Variants in CERS6 observed in about 807,000 individuals in gnomAD.
CERS6 encodes the protein ceramide synthase 6.
In CERS6, 26 loss-of-function variants were observed where a neutral mutation model predicts 56.8. The ratio of observed to expected loss-of-function variants is 0.46; its 90% confidence interval spans 0.34 to 0.63. The LOEUF (loss-of-function observed/expected upper bound fraction) is 0.63. Among genes scored for constraint, CERS6 ranks in the 30% least tolerant of loss-of-function variants. The pLI, the probability that CERS6 is intolerant of heterozygous loss-of-function variation, is 0.01. For synonymous variants in CERS6, 164 were observed against 173.3 expected (o/e 0.95, Z 0.42); for missense variants, 415 against 467.5 (o/e 0.89, Z 1.04).
intron 1 of CERS6, among the ~76,000 whole-genome samples, chr2:168,521,553 G>T (rs532809920): frequency 6.6e-6 from 1 of 152,154 alleles, no homozygotes; most frequent in Non-Finnish European, 1.5e-5. Flanking sequence ...ACACAGCTGC[G>T]CCAGGCATTT....
intron 1 of CERS6, among the ~76,000 whole-genome samples, chr2:168,476,628 G>A (rs913783423): frequency 1.3e-5 from 2 of 152,130 alleles, no homozygotes; most frequent in Non-Finnish European, 2.9e-5. Context: ...CTCAGTCTAA[G>A]TGAAAAGGCC....
At chr2:168,522,294 G>A (rs551515370) in intron 1 of CERS6, among the ~76,000 whole-genome samples, 2 of 152,162 alleles carry the variant, frequency 1.3e-5, no homozygotes, top group African/African-American at 4.8e-5. Context: ...GTTTTTATGT[G>A]GTTTCTGATA....
intron 6 of CERS6, among the ~76,000 whole-genome samples, chr2:168,696,438 A>G (rs909342989): frequency 1.3e-5 from 2 of 152,188 alleles, no homozygotes; most frequent in Non-Finnish European, 1.5e-5. Flanking sequence ...CTAAGTAGTC[A>G]TTCTTGTTTA....
intron 1 of CERS6, among the ~76,000 whole-genome samples, chr2:168,501,990 G>A (rs907378090): frequency 6.6e-6 from 1 of 152,202 alleles, no homozygotes; most frequent in Non-Finnish European, 1.5e-5. Context: ...GATGATGGTA[G>A]CTGAATGAAA....
chr2:168,542,956 C>G (rs1294708897), intron 1 of CERS6, among the ~76,000 whole-genome samples: 3 of 152,108 alleles, frequency 2.0e-5, no homozygotes, highest in African/African-American at 4.8e-5. Context: ...CTTAGCCTCC[C>G]AACACGCTGG....
intron 1 of CERS6, among the ~76,000 whole-genome samples, chr2:168,513,657 A>T (rs778095782): frequency 6.6e-6 from 1 of 152,200 alleles, no homozygotes; most frequent in African/African-American, 2.4e-5. Context: ...CACCTGGCTG[A>T]TGCAGTGTTT....
intron 6 of CERS6, among the ~76,000 whole-genome samples, chr2:168,697,568 T>TA (rs1686686632): frequency 6.6e-6 from 1 of 151,584 alleles, no homozygotes; most frequent in African/African-American, 2.4e-5. Flanking sequence ...TTTTTTTTTT[T>TA]AACTTGGGAG....
chr2:168,686,271 T>G (rs1268883908), intron 4 of CERS6, among the ~76,000 whole-genome samples: 2 of 151,324 alleles, frequency 1.3e-5, no homozygotes. Flanking sequence ...TCTCTCTTCC[T>G]CTTCCTCTCC....
At chr2:168,477,938 T>C (rs1447260116) in intron 1 of CERS6, among the ~76,000 whole-genome samples, 1 of 152,222 alleles carries the variant, frequency 6.6e-6, no homozygotes, top group East Asian at 1.9e-4. Flanking sequence ...TGGGAGTGTT[T>C]ATTGTTTTAT....
intron 4 of CERS6, among the ~76,000 whole-genome samples, chr2:168,659,275 TAATGCATGTGGGAA>T (rs1335010365): frequency 1.3e-5 from 2 of 152,220 alleles, no homozygotes; most frequent in African/African-American, 4.8e-5. Flanking sequence ...TTAAAGTTAT[TAATGCATGTGGGAA>T]AATGTTCAAA....
chr2:168,596,255 G>A (rs944762802), intron 3 of CERS6, among the ~76,000 whole-genome samples: 2 of 152,022 alleles, frequency 1.3e-5, no homozygotes, highest in Non-Finnish European at 2.9e-5. Context: ...TCTTATTGAG[G>A]GTACCAAGTT....
intron 3 of CERS6, among the ~76,000 whole-genome samples, chr2:168,580,499 TAA>T (rs1307084138): frequency 1.3e-5 from 2 of 152,236 alleles, no homozygotes; most frequent in African/African-American, 2.4e-5. Flanking sequence ...TCTTCTGACT[TAA>T]GTTACTTTTG....
intron 8 of CERS6, among the ~76,000 whole-genome samples, chr2:168,734,077 TAAAAGTTTTATGATGTTA>T (rs1683636125): frequency 6.6e-6 from 1 of 152,194 alleles, no homozygotes; most frequent in African/African-American, 2.4e-5. Context: ...CTAAAAGCTC[TAAAAGTTTTATGATGTTA>T]TGCTTTGGCA....
intron 1 of CERS6, among the ~76,000 whole-genome samples, chr2:168,493,444 G>A (rs763830856): frequency 1.2e-4 from 18 of 152,122 alleles, no homozygotes; most frequent in Non-Finnish European, 2.4e-4. Context: ...TAATAAACAC[G>A]GAAGCTGAGG....
intron 1 of CERS6, among the ~76,000 whole-genome samples, chr2:168,465,014 C>T (rs764540039): frequency 3.3e-5 from 5 of 152,130 alleles, no homozygotes; most frequent in Admixed American, 6.5e-5. Context: ...TATGATACAG[C>T]AATTTTACCT....
intron 6 of CERS6, among the ~76,000 whole-genome samples, chr2:168,708,002 CATT>C (rs1348300798): frequency 1.6e-4 from 24 of 152,216 alleles, no homozygotes; most frequent in African/African-American, 5.5e-4. Flanking sequence ...TATTTGCACA[CATT>C]AGTTTTAATA....
At chr2:168,690,191 A>G (rs963312536) in intron 4 of CERS6, among the ~76,000 whole-genome samples, 1 of 152,182 alleles carries the variant, frequency 6.6e-6, no homozygotes, top group African/African-American at 2.4e-5. Flanking sequence ...GATTAATCTT[A>G]AGAAACATAT....
intron 1 of CERS6, among the ~76,000 whole-genome samples, chr2:168,544,332 A>G (rs1246415824): frequency 1.3e-5 from 2 of 152,086 alleles, no homozygotes; most frequent in Non-Finnish European, 1.5e-5. Context: ...TTCTGCTTCC[A>G]TTTCCCTGGA....
intron 1 of CERS6, among the ~76,000 whole-genome samples, chr2:168,522,966 A>G (rs1695007895): frequency 6.6e-6 from 1 of 152,254 alleles, no homozygotes; most frequent in South Asian, 2.1e-4. Flanking sequence ...CTGAATAAAT[A>G]GTCAAACATT....
Sources: gnomAD v4.1 joint callset for allele counts (sites outside exome capture counted in the v4.1 genomes callset) on GRCh38, gnomAD v4.1.1 for gene constraint, MANE v1.5 for transcripts, NCBI Gene and HGNC (gene_info 2026-07-23, HGNC 2026-07-21) for gene names.